The following SPTBN2 variants were observed in gnomAD, a reference collection of about 807,000 sequenced individuals.
SPTBN2 encodes the protein spectrin beta, non-erythrocytic 2, also known as spectrin beta chain, non-erythrocytic 2.
A neutral mutation model predicts 284.2 loss-of-function variants in SPTBN2; 107 were observed. The observed-to-expected ratio is 0.38, with a 90% CI of 0.32 to 0.44. SPTBN2 has a LOEUF of 0.44. Among genes scored for constraint, SPTBN2 ranks in the 20% least tolerant of loss-of-function variants. The probability of loss-of-function intolerance (pLI) is 1.00; values close to 1 mark genes in which losing one functional copy is unlikely to be tolerated. For missense variants in SPTBN2, 2,569 were observed against 3,287.1 expected, an observed-to-expected ratio of 0.78 and a Z score of 5.34; for synonymous variants, 1,289 against 1,354.8, an observed-to-expected ratio of 0.95 and a Z score of 1.07.
In SPTBN2 at chr11:66,715,430, G is replaced by T; in HGVS notation, c.310-35C>A. On this transcript the variant is annotated intron_variant, in intron 4 of 37. Transcript: ENST00000533211. This position sits in a 1 kb window ranked among gnomAD's most constrained non-coding sequence, Gnocchi z 5.3. ...GACGGGGGCAAAATGGCACGGGACT[G>T]TGGGCTTCCACCTTCTTCCCCAGCC... 1 of 1,589,994 alleles carries T rather than the reference G, an allele frequency of 6.3e-7. No homozygotes were observed. The highest frequency in any genetic ancestry group is 8.6e-7 in the Non-Finnish European group (1 of 1,165,304).
chr11:66,696,508 C>G lies in SPTBN2; in HGVS notation c.4047G>C (p.Glu1349Asp), dbSNP rs1251353152. ...EGRELTLEKP[E>D]LKALVSEKLR... is the part of the protein sequence containing the mutation. Reference sequence around the variant, plus strand: ...GCTTCTCCGACACCAGGGCTTTCAGCTCTGGCTTCTCAAGGGTGAGCTCTC... The same window carrying G: ...GCTTCTCCGACACCAGGGCTTTCAGGTCTGGCTTCTCAAGGGTGAGCTCTC... The change falls in exon 21 of 38, where the codon GAG becomes GAC. Residue 1349 changes from glutamate (E) to aspartate (D), a missense_variant. Around this residue, in one of 6 missense-constraint regions of SPTBN2, gnomAD observed 50 missense variants for 48.1 expected, o/e 1.04. Coordinates refer to ENST00000533211, the MANE Select transcript of SPTBN2 (RefSeq NM_006946.4). 6.2e-7 allele frequency: 1 copy of G among 1,612,150 alleles called. No individual in the cohort carries two copies. Among genetic ancestry groups the G allele is most frequent in the Non-Finnish European group, 8.5e-7 (1 of 1,180,028 alleles).
chr11:66,737,763 G>A (rs1281055517), intron 1 of SPTBN2, among the ~76,000 whole-genome samples: 1 of 152,182 alleles, frequency 6.6e-6, no homozygotes, highest in African/African-American at 2.4e-5. Flanking sequence ...AATACACTAT[G>A]TAAACTGGAC....
intron 1 of SPTBN2, among the ~76,000 whole-genome samples, 167 bp from the exon 2 acceptor site, chr11:66,721,607 G>A (rs1942406828): frequency 1.3e-5 from 2 of 152,164 alleles, no homozygotes; most frequent in Non-Finnish European, 2.9e-5. Flanking sequence ...ACAGCAGTGT[G>A]CAGCCCAGGG....
At position 66,683,562 on chromosome 11, in the gene SPTBN2, C is replaced by G. The variant is rs1554974526; in HGVS notation, c.*2309G>C. On this transcript the variant is annotated 3_prime_UTR_variant, in exon 38 of 38. Transcript: ENST00000533211. Reference sequence around the variant, plus strand: ...TTCCTGACACTATGCTTCCCCTCTTCTATGTCCTGTTCTTAAGGAATCATG... The same window carrying G: ...TTCCTGACACTATGCTTCCCCTCTTGTATGTCCTGTTCTTAAGGAATCATG... Among the ~76,000 whole-genome samples, 1 of 152,240 alleles carries G rather than the reference C, an allele frequency of 6.6e-6. No homozygotes were observed. The highest frequency in any genetic ancestry group is 1.5e-5 in the Non-Finnish European group (1 of 68,046).
rs767888847 is a variant in SPTBN2, at chr11:66,699,421, T to C, written c.3761A>G (p.Asp1254Gly). 6.2e-7 allele frequency: 1 copy of C among 1,613,972 alleles called. No homozygotes were observed. The stretch of plus-strand genomic sequence containing the variant: ...CTCATCAGACCTCCTCTCAATGGAG[T>C]CTGCCTTTTCCCGAATCTTGTCGGC... ...IHADKIREKA[D>G]SIERRHKKNQ... is the part of the protein sequence containing the mutation. The change falls in exon 18 of 38, where the codon GAC (aspartate) becomes GGC (glycine). Residue 1254 changes from aspartate to glycine, a missense_variant. Physicochemically the swap from Asp to Gly is moderately conservative, Grantham distance 94. Coordinates refer to ENST00000533211, the MANE Select transcript of SPTBN2 (RefSeq NM_006946.4).
At chr11:66,733,241 A>G (rs993626452), upstream of SPTBN2, among the ~76,000 whole-genome samples, 6 of 152,124 alleles carry the variant, frequency 3.9e-5, no homozygotes, top group Admixed American at 6.6e-5. Context: ...CTATGGGGGG[A>G]ATAGGTTACT....
chr11:66,744,081 G>A (rs1181577304), intron 1 of SPTBN2, among the ~76,000 whole-genome samples: 1 of 152,010 alleles, frequency 6.6e-6, no homozygotes, highest in Non-Finnish European at 1.5e-5. Flanking sequence ...GGCTGGTCTC[G>A]AACTCCTGAC....
At chr11:66,730,094 G>A (rs1823171829), upstream of SPTBN2, among the ~76,000 whole-genome samples, 2 of 152,048 alleles carry the variant, frequency 1.3e-5, no homozygotes, top group Admixed American at 6.6e-5. Flanking sequence ...GAGCTGCCGT[G>A]CCAGGCCTGA....
At chr11:66,713,913 T>G (rs1942010224) in intron 7 of SPTBN2, among the ~76,000 whole-genome samples, 167 bp from the exon 8 acceptor site, 1 of 152,132 alleles carries the variant, frequency 6.6e-6, no homozygotes, top group Non-Finnish European at 1.5e-5. Context: ...CCACCTCCCC[T>G]GCTTCCCATC....
chr11:66,728,349 G>T (rs893262502), intron 1 of SPTBN2: 1 of 145,634 alleles, frequency 6.9e-6, no homozygotes, highest in Admixed American at 6.8e-5. Context: ...GCGGCGGGGC[G>T]CGTGGCGGCG....
chr11:66,684,614 G>T lies in SPTBN2; in HGVS notation c.*1257C>A, dbSNP rs1169486104. 1.4e-5 allele frequency among the ~76,000 whole-genome samples: 2 copies of T among 145,368 alleles called. No homozygotes were observed. The highest frequency in any genetic ancestry group is 4.0e-4 in the East Asian group (2 of 5,004). ...TGCGCCACTGCAGTCCAGCTTGGCTGACAGAGTGAGACTCTGTCTCAAAAA... is the reference window on the plus strand; with the variant it reads ...TGCGCCACTGCAGTCCAGCTTGGCTTACAGAGTGAGACTCTGTCTCAAAAA... On this transcript the variant is annotated 3_prime_UTR_variant, in exon 38 of 38. Transcript: ENST00000533211.
Position 66,708,430 on chromosome 11 carries a change from C to T in SPTBN2, c.1192-131G>A, listed in dbSNP as rs766355516. 10 of 970,740 alleles carry T rather than the reference C, an allele frequency of 1.0e-5. No individual in the cohort carries two copies. The highest frequency in any genetic ancestry group is 2.9e-5 in the Admixed American group (1 of 33,980). The allele number at this position is 970,740 out of a possible 1,614,324, so 60.1% of individuals were successfully genotyped here. A position where few individuals can be genotyped will look rare whatever the true frequency, so the allele number is the denominator to read the frequency against. On this transcript the variant is annotated intron_variant, in intron 11 of 37. Coordinates refer to ENST00000533211, the MANE Select transcript of SPTBN2 (RefSeq NM_006946.4). The surrounding 1 kb of genome is among the most constrained non-coding windows in gnomAD (Gnocchi z 4.4). ...GAATGCAGTGGGTGAGACGCCTGGG[C>T]GTGGAAACAGGAAACAGGGCAGCGC...
chr11:66,719,395 G>A lies in SPTBN2; in HGVS notation c.157+1689C>T, dbSNP rs186907292. Among the ~76,000 whole-genome samples the A allele has an allele frequency of 1.9e-3, 284 of 152,358 alleles. 3 individuals are homozygous for A. The highest frequency in any genetic ancestry group is 0.017 in the Admixed American group (265 of 15,310). ...TCCTCTGGGCTTCAGCGTTTGTCATGTGCAGCCTACACTTGCCCTTCCTCA... is the reference window on the plus strand; with the variant it reads ...TCCTCTGGGCTTCAGCGTTTGTCATATGCAGCCTACACTTGCCCTTCCTCA... On this transcript the variant is annotated intron_variant, in intron 3 of 37. Coordinates refer to ENST00000533211, the MANE Select transcript of SPTBN2 (RefSeq NM_006946.4).
Position 66,718,915 on chromosome 11 carries a change from G to C in SPTBN2, c.157+2169C>G, listed in dbSNP as rs1267157743. Among the ~76,000 whole-genome samples the C allele has an allele frequency of 1.3e-5, 2 of 152,198 alleles. No individual in the cohort carries two copies. Among genetic ancestry groups the C allele is most frequent in the African/African-American group, 4.8e-5 (2 of 41,446 alleles). ...GTGTGGCCGGCGGGGGCAGGGCCAG[G>C]CCCTGCGGGGCGGCGGAGGAGGGCA... is the stretch of plus-strand genomic sequence containing the variant. On this transcript the variant is annotated intron_variant, in intron 3 of 37. Coordinates refer to ENST00000533211, the MANE Select transcript of SPTBN2 (RefSeq NM_006946.4). This position sits in a 1 kb window ranked among gnomAD's most constrained non-coding sequence, Gnocchi z 4.8.
At position 66,691,473 on chromosome 11, in the gene SPTBN2, T is replaced by C. The variant is rs1319670138; in HGVS notation, c.5376A>G (p.Thr1792=). The change falls in exon 27 of 38, where the codon ACA becomes ACG. Residue 1792 remains threonine, a synonymous_variant. Transcript: ENST00000533211. The surrounding 1 kb of genome is among the most constrained non-coding windows in gnomAD (Gnocchi z 8.0). ...ACGCCGCGGCCAGCACCTGACCCCG[T>C]GTGTCCAGCAGCTCAAGCAGGTCAG... ...AWADLLELLD[T]RGQVLAAAYE... is the part of the protein sequence containing the mutation. The C allele has an allele frequency of 2.5e-6, 4 of 1,611,898 alleles. No homozygotes were observed. Among genetic ancestry groups the C allele is most frequent in the South Asian group, 2.2e-5 (2 of 91,086 alleles).
chr11:66,727,593 C>G (rs542876476), intron 1 of SPTBN2, among the ~76,000 whole-genome samples: 22 of 152,300 alleles, frequency 1.4e-4, no homozygotes, highest in African/African-American at 5.1e-4. Context: ...GCTTCCCCGC[C>G]GCCCGAAGCG....
rs1205727109 is a variant in SPTBN2, at chr11:66,685,715, T to C, written c.*156A>G. The C allele has an allele frequency of 2.1e-5, 15 of 709,466 alleles. No homozygotes were observed. Among genetic ancestry groups the C allele is most frequent in the Non-Finnish European group, 3.0e-5 (12 of 404,932 alleles). The allele number at this position is 709,466 out of a possible 1,614,324, so 43.9% of individuals were successfully genotyped here. On this transcript the variant is annotated 3_prime_UTR_variant, in exon 38 of 38. Coordinates refer to ENST00000533211, the MANE Select transcript of SPTBN2 (RefSeq NM_006946.4). This position sits in a 1 kb window ranked among gnomAD's most constrained non-coding sequence, Gnocchi z 4.4. Reference sequence around the variant, plus strand: ...AAGAGAAGGGCTGCCCTTGGGAACATGGACTCGTCCCCAGTGACAGTTCCT... The same window carrying C: ...AAGAGAAGGGCTGCCCTTGGGAACACGGACTCGTCCCCAGTGACAGTTCCT...
At chr11:66,713,595 C>T (rs201970587) in intron 8 of SPTBN2, 36 bp downstream of exon 8, 209 of 1,573,210 alleles carry the variant, frequency 1.3e-4, no homozygotes, top group Middle Eastern at 1.8e-4. Context: ...CCTGTCTCTA[C>T]CCTACCACCT....
intron 3 of SPTBN2, among the ~76,000 whole-genome samples, chr11:66,716,901 G>A (rs1287981124): frequency 1.3e-5 from 2 of 152,306 alleles, no homozygotes; most frequent in African/African-American, 2.4e-5. Context: ...TCTTCCAAGC[G>A]GTCATTAGGA....
Sources: allele counts gnomAD v4.1 joint callset (sites outside exome capture counted in the v4.1 genomes callset), GRCh38; gene constraint gnomAD v4.1.1; regional missense constraint gnomAD v4.1.1; non-coding constraint Gnocchi (gnomAD v3.1); transcripts MANE v1.5; gene names NCBI Gene and HGNC (gene_info 2026-07-23, HGNC 2026-07-21).